The following SLC2A13 variants were observed in gnomAD, a reference collection of about 807,000 sequenced individuals.
SLC2A13 encodes the protein proton myo-inositol cotransporter.
A neutral mutation model predicts 64.4 loss-of-function variants in SLC2A13; 32 were observed. That is an observed-to-expected ratio of 0.50 (90% CI 0.37 to 0.67). SLC2A13 has a LOEUF of 0.67. SLC2A13 is among the 30% of genes least tolerant of loss of function. The pLI is 0.00. For missense variants in SLC2A13, 743 were observed against 829.2 expected (o/e 0.90, Z 1.28); for synonymous variants, 338 against 327.1 (o/e 1.03, Z -0.36).
intron 3 of SLC2A13, among the ~76,000 whole-genome samples, chr12:40,019,682 C>T (rs1233786868): frequency 1.3e-5 from 2 of 152,138 alleles, no homozygotes; most frequent in African/African-American, 2.4e-5. Flanking sequence ...ACACTAGTTG[C>T]CCCTCCCCTT....
At chr12:39,889,748 T>A (rs1944557195) in intron 4 of SLC2A13, among the ~76,000 whole-genome samples, 1 of 152,058 alleles carries the variant, frequency 6.6e-6, no homozygotes, top group African/African-American at 2.4e-5. Flanking sequence ...GCCAGGATGG[T>A]CTTGATTTCT....
intron 3 of SLC2A13, among the ~76,000 whole-genome samples, chr12:39,991,021 C>A (rs1403836797): frequency 2.0e-5 from 3 of 152,146 alleles, no homozygotes; most frequent in African/African-American, 7.2e-5. Flanking sequence ...TTAGGTCTTT[C>A]CTAAAAATCA....
intron 4 of SLC2A13, among the ~76,000 whole-genome samples, chr12:39,898,460 A>G (rs1592261674): frequency 1.3e-5 from 2 of 151,868 alleles, no homozygotes; most frequent in South Asian, 4.1e-4. Flanking sequence ...AGAATGACAT[A>G]CCATATTCTG....
intron 4 of SLC2A13, among the ~76,000 whole-genome samples, chr12:39,873,768 A>G (rs1944115219): frequency 6.6e-6 from 1 of 152,200 alleles, no homozygotes; most frequent in African/African-American, 2.4e-5. Flanking sequence ...TCTAAATTTT[A>G]TTTAAAATGA....
chr12:39,853,773 T>C (rs1440314168), intron 6 of SLC2A13, among the ~76,000 whole-genome samples: 1 of 152,110 alleles, frequency 6.6e-6, no homozygotes, highest in Non-Finnish European at 1.5e-5. Context: ...ATAATCTATA[T>C]CTGTTTAGGA....
intron 4 of SLC2A13, among the ~76,000 whole-genome samples, chr12:39,915,471 C>T (rs1359735438): frequency 6.6e-6 from 1 of 151,908 alleles, no homozygotes; most frequent in East Asian, 1.9e-4. Flanking sequence ...CCTTATGGGG[C>T]AAGATCAGAT....
At chr12:39,968,250 G>T (rs963318886) in intron 3 of SLC2A13, among the ~76,000 whole-genome samples, 2 of 152,130 alleles carry the variant, frequency 1.3e-5, no homozygotes, top group African/African-American at 2.4e-5. Flanking sequence ...GTGAAGGGTG[G>T]TGTGGGGTGG....
At chr12:40,053,913 G>A (rs1332997659) in intron 1 of SLC2A13, among the ~76,000 whole-genome samples, 3 of 152,174 alleles carry the variant, frequency 2.0e-5, no homozygotes, top group African/African-American at 7.2e-5. Flanking sequence ...CCTTGAACAT[G>A]AAGGCTTTGT....
intron 6 of SLC2A13, among the ~76,000 whole-genome samples, chr12:39,860,285 T>A (rs548588532): frequency 2.0e-5 from 3 of 152,348 alleles, no homozygotes; most frequent in African/African-American, 7.2e-5. Flanking sequence ...CCTTCCAGCA[T>A]GAATAGCTTA....
At chr12:39,934,301 A>G (rs1945881930) in intron 4 of SLC2A13, among the ~76,000 whole-genome samples, 1 of 152,214 alleles carries the variant, frequency 6.6e-6, no homozygotes, top group East Asian at 1.9e-4. Flanking sequence ...TTTCTTTTCA[A>G]CCCAGCCCAG....
intron 7 of SLC2A13, chr12:39,788,499 A>T (rs1480824313): frequency 6.6e-6 from 1 of 152,198 alleles, no homozygotes; most frequent in Non-Finnish European, 1.5e-5. Context: ...TGATTTCATC[A>T]CACTACTCAA....
chr12:39,776,171 A>G (rs372224916), intron 7 of SLC2A13, among the ~76,000 whole-genome samples: 54 of 152,308 alleles, frequency 3.5e-4, no homozygotes, highest in East Asian at 2.7e-3. Context: ...CTCCTGCTTC[A>G]ACTGGCACTG....
chr12:40,034,500 AC>A (rs1947948517), intron 2 of SLC2A13, among the ~76,000 whole-genome samples: 1 of 152,112 alleles, frequency 6.6e-6, no homozygotes, highest in African/African-American at 2.4e-5. Context: ...AATATCCAAT[AC>A]TGTCTTAAAC....
chr12:39,835,788 G>T (rs1021383862), intron 6 of SLC2A13: 29 of 152,104 alleles, frequency 1.9e-4, no homozygotes, highest in African/African-American at 6.5e-4. Flanking sequence ...AGGCATTCTT[G>T]TAGGTTCATA....
At chr12:39,998,577 T>C (rs1196206543) in intron 3 of SLC2A13, among the ~76,000 whole-genome samples, 1 of 152,180 alleles carries the variant, frequency 6.6e-6, no homozygotes, top group Non-Finnish European at 1.5e-5. Context: ...AGCCCCTTTG[T>C]TTTGGCCAAT....
chr12:39,958,680 G>A (rs1284685663), intron 3 of SLC2A13, among the ~76,000 whole-genome samples: 2 of 152,126 alleles, frequency 1.3e-5, no homozygotes, highest in Non-Finnish European at 2.9e-5. Context: ...CACCTGAGAA[G>A]ATTTGTTTCA....
intron 4 of SLC2A13, among the ~76,000 whole-genome samples, chr12:39,898,640 C>A (rs1025326884): frequency 1.3e-5 from 2 of 152,102 alleles, no homozygotes; most frequent in African/African-American, 4.8e-5. Context: ...GCCTGATACT[C>A]ACACTATGAG....
chr12:40,084,028 T>G (rs1031712126), intron 1 of SLC2A13, among the ~76,000 whole-genome samples: 4 of 152,216 alleles, frequency 2.6e-5, no homozygotes, highest in Non-Finnish European at 2.9e-5. Context: ...AATACAAGTA[T>G]AGATTTGGGA....
chr12:39,956,981 A>T (rs776274355), intron 3 of SLC2A13, among the ~76,000 whole-genome samples: 1 of 152,086 alleles, frequency 6.6e-6, no homozygotes, highest in Non-Finnish European at 1.5e-5. Flanking sequence ...GGGCCCTATA[A>T]TTGGGCTACA....
Sources: allele counts gnomAD v4.1 joint callset (sites outside exome capture counted in the v4.1 genomes callset), GRCh38; gene constraint gnomAD v4.1.1; transcripts MANE v1.5; gene names NCBI Gene and HGNC (gene_info 2026-07-23, HGNC 2026-07-21).